The following ANK2 variants were observed in gnomAD, a reference collection of about 807,000 sequenced individuals.
The protein encoded by ANK2 is ankyrin-2.
A neutral mutation model predicts 360.5 loss-of-function variants in ANK2; 83 were observed. That is an observed-to-expected ratio of 0.23 (90% CI 0.19 to 0.28). ANK2 has a LOEUF of 0.28. Ranked by LOEUF, ANK2 falls within the 10% of genes least tolerant of loss-of-function variation. The pLI is 1.00. For missense variants in ANK2, 4,201 were observed against 4,795.7 expected, an observed-to-expected ratio of 0.88 and a Z score of 3.66; for synonymous variants, 1,740 against 1,759.5, an observed-to-expected ratio of 0.99 and a Z score of 0.28.
chr4:113,343,141 A>G lies in ANK2; in HGVS notation c.4247A>G (p.Lys1416Arg), dbSNP rs2153983752. The G allele has an allele frequency of 6.2e-7, 1 of 1,613,256 alleles. No individual in the cohort carries two copies. The highest frequency in any genetic ancestry group is 8.5e-7 in the Non-Finnish European group (1 of 1,179,404). ...GAAAATAGACTTCCTCTATTTGTCA[A>G]GGTAATATATACATGGAATTTTGTG... ...FKENRLPLFV[K>R]VRDTTQEPCG... Residue 1416 changes from lysine (K) to arginine (R), a missense_variant and splice_region_variant, in exon 34 of 46, where the codon AAG becomes AGG. Physicochemically the swap from Lys to Arg is conservative, Grantham distance 26. This residue lies in a region of ANK2 where 1,268 missense variants were observed against 1,650.8 expected (regional missense o/e 0.77). Coordinates refer to ENST00000357077, the MANE Select transcript of ANK2 (RefSeq NM_001148.6).
chr4:112,955,086 T>G (rs1190610556), intron 2 of ANK2, among the ~76,000 whole-genome samples: 1 of 152,058 alleles, frequency 6.6e-6, no homozygotes, highest in East Asian at 1.9e-4. Context: ...AAGTGAAAAA[T>G]AGGATGAAAA....
intron 2 of ANK2, among the ~76,000 whole-genome samples, chr4:112,930,888 G>C (rs1439427954): frequency 7.2e-6 from 1 of 139,050 alleles, no homozygotes; most frequent in Non-Finnish European, 1.5e-5. Context: ...ACTCCATCTC[G>C]AGAGAAAAAA....
chr4:112,726,034 G>C, the ANK2 span, among the ~76,000 whole-genome samples: 7 of 152,166 alleles, frequency 4.6e-5, no homozygotes, highest in Non-Finnish European at 1.0e-4. Context: ...TTGGTGGTCA[G>C]AGAACACTTC....
At chr4:112,749,328 G>A in the ANK2 span, among the ~76,000 whole-genome samples, 1 of 152,188 alleles carries the variant, frequency 6.6e-6, no homozygotes, top group Non-Finnish European at 1.5e-5. Flanking sequence ...AAAAGCCTGA[G>A]TCTCAAGAGT....
intron 2 of ANK2, among the ~76,000 whole-genome samples, chr4:113,185,524 G>A (rs2098503923): frequency 6.6e-6 from 1 of 152,166 alleles, no homozygotes; most frequent in South Asian, 2.1e-4. Context: ...TTTGAGAAGT[G>A]TCTGTTCATA....
intron 1 of ANK2, among the ~76,000 whole-genome samples, chr4:112,863,883 T>C (rs781158213): frequency 2.0e-5 from 3 of 152,298 alleles, no homozygotes; most frequent in Middle Eastern, 3.4e-3. Context: ...TTCCATTTTG[T>C]GTATTGTGAG....
intron 4 of ANK2, among the ~76,000 whole-genome samples, chr4:113,206,646 GCTC>G (rs3059923): frequency 0.2 from 30,746 of 152,088 alleles, 4,049 homozygotes; most frequent in African/African-American, 0.37. Flanking sequence ...GGGCATCTGT[GCTC>G]CTCAGCACTC....
intron 1 of ANK2, among the ~76,000 whole-genome samples, chr4:113,076,622 C>T (rs1463340597): frequency 6.6e-6 from 1 of 151,910 alleles, no homozygotes; most frequent in Non-Finnish European, 1.5e-5. Flanking sequence ...ATAACGAAAC[C>T]CTGTCTCTGT....
In ANK2 at chr4:113,357,334, A is replaced by T; in HGVS notation, c.8716A>T (p.Met2906Leu). The T allele has an allele frequency of 6.2e-7, 1 of 1,614,026 alleles. No homozygotes were observed. Among genetic ancestry groups the T allele is most frequent in the Non-Finnish European group, 8.5e-7 (1 of 1,179,962 alleles). The change falls in exon 38 of 46, where the codon ATG becomes TTG. Residue 2906 changes from methionine to leucine, a missense_variant. Physicochemically the swap from Met to Leu is conservative, Grantham distance 15. Transcript: ENST00000357077. ...TACTACTCAAACAGATAGATTTTCCATGGATGTTCCCGTGTCTGACCTAGC... is the reference window on the plus strand; with the variant it reads ...TACTACTCAAACAGATAGATTTTCCTTGGATGTTCCCGTGTCTGACCTAGC... ...SITTQTDRFSMDVPVSDLAEN... is the reference protein window; with the variant it reads ...SITTQTDRFSLDVPVSDLAEN...
chr4:112,769,062 G>A, the ANK2 span, among the ~76,000 whole-genome samples: 5 of 152,194 alleles, frequency 3.3e-5, no homozygotes, highest in Non-Finnish European at 5.9e-5. Flanking sequence ...TCCGCTGAAC[G>A]TGACTGGGCT....
At chr4:113,028,395 G>A (rs1483218857) in intron 2 of ANK2, among the ~76,000 whole-genome samples, 2 of 152,092 alleles carry the variant, frequency 1.3e-5, no homozygotes, top group African/African-American at 4.8e-5. Flanking sequence ...GTTATCTCTC[G>A]TTCATGCAAC....
rs1294032620 is a variant in ANK2, at chr4:113,170,011, CTT to C, written c.85-4400_85-4399del. On this transcript the variant is annotated intron_variant, in intron 1 of 45. Transcript: ENST00000357077. ...CCAGTAAAAATAATATAAAGAATAC[CTT>C]TTTTGTAAGTATGTTGTACAAACTA... 2.6e-5 allele frequency among the ~76,000 whole-genome samples: 4 copies of C among 152,066 alleles called. No individual in the cohort carries two copies. The East Asian group carries it at 5.8e-4, about 22-fold the overall frequency.
intron 2 of ANK2, among the ~76,000 whole-genome samples, chr4:112,914,344 G>A (rs1211438848): frequency 6.6e-6 from 1 of 152,148 alleles, no homozygotes; most frequent in Non-Finnish European, 1.5e-5. Flanking sequence ...AATCTGGCTG[G>A]GCATCGTGGC....
At chr4:113,121,351 C>G (rs2095341122) in intron 1 of ANK2, among the ~76,000 whole-genome samples, 1 of 152,168 alleles carries the variant, frequency 6.6e-6, no homozygotes, top group African/African-American at 2.4e-5. Flanking sequence ...TGTACCTACA[C>G]TGGGTGTAGA....
intron 37 of ANK2, among the ~76,000 whole-genome samples, chr4:113,351,705 T>G (rs1213766246): frequency 6.6e-6 from 1 of 151,584 alleles, no homozygotes; most frequent in Non-Finnish European, 1.5e-5. Flanking sequence ...TTCATCCATA[T>G]GGCTCAGTTG....
intron 2 of ANK2, among the ~76,000 whole-genome samples, chr4:112,958,018 C>T (rs2031634827): frequency 6.6e-6 from 1 of 151,824 alleles, no homozygotes; most frequent in Non-Finnish European, 1.5e-5. Context: ...AGAGACGCTC[C>T]TCACTTCCTA....
chr4:113,208,783 A>G (rs1392489525), intron 4 of ANK2, among the ~76,000 whole-genome samples: 3 of 151,892 alleles, frequency 2.0e-5, no homozygotes, highest in African/African-American at 7.3e-5. Context: ...GATTATAGGC[A>G]TGAGCCACTT....
Position 113,192,874 on chromosome 4 carries a change from T to C in ANK2, c.187-3494T>C, listed in dbSNP as rs559355932. ...ACAGTTTTTTCTTCTCCCAGGCAAA[T>C]GCACTACCATATTCAGTGTCATTCT... On this transcript the variant is annotated intron_variant, in intron 2 of 45. Coordinates refer to ENST00000357077, the MANE Select transcript of ANK2 (RefSeq NM_001148.6). 2.7e-5 allele frequency among the ~76,000 whole-genome samples: 4 copies of C among 150,244 alleles called. No individual in the cohort carries two copies. The South Asian group carries it at 8.4e-4, about 32-fold the overall frequency.
intron 23 of ANK2, among the ~76,000 whole-genome samples, chr4:113,303,468 C>A (rs542742527): frequency 1.2e-3 from 182 of 152,244 alleles, no homozygotes; most frequent in Non-Finnish European, 2.4e-3. Context: ...TCCTGGGAAG[C>A]CTGCTTTCCA....
Sources: allele counts gnomAD v4.1 joint callset (sites outside exome capture counted in the v4.1 genomes callset), GRCh38; gene constraint gnomAD v4.1.1; regional missense constraint gnomAD v4.1.1; transcripts MANE v1.5; gene names NCBI Gene and HGNC (gene_info 2026-07-23, HGNC 2026-07-21).